KRABD5: variants seen among roughly 807,000 people sequenced by gnomAD.
KRABD5 encodes KRAB domain containing 5.
At chr16:31,753,247 C>G in the KRABD5 span, among the ~76,000 whole-genome samples, 1 of 152,038 alleles carries the variant, frequency 6.6e-6, no homozygotes, top group African/African-American at 2.4e-5. Flanking sequence ...TTAATCTCCC[C>G]CTTTGTTGAG....
the KRABD5 span, among the ~76,000 whole-genome samples, chr16:31,747,011 T>C: frequency 6.6e-6 from 1 of 152,008 alleles, no homozygotes; most frequent in Non-Finnish European, 1.5e-5. Context: ...TTATTATACT[T>C]TAAGTTTTAG....
the KRABD5 span, among the ~76,000 whole-genome samples, chr16:31,738,183 T>C: frequency 2.0e-5 from 3 of 152,094 alleles, no homozygotes; most frequent in African/African-American, 7.2e-5. Flanking sequence ...GTTGAATGGT[T>C]AGTTCTGTAT....
the KRABD5 span, among the ~76,000 whole-genome samples, chr16:31,729,414 C>T: frequency 2.6e-5 from 4 of 152,182 alleles, no homozygotes; most frequent in South Asian, 8.3e-4. Context: ...AATAACATGG[C>T]CAAAGGCACG....
At chr16:31,757,862 A>G in the KRABD5 span, 1 of 150,750 alleles carries the variant, frequency 6.6e-6, no homozygotes, top group African/African-American at 2.5e-5. Context: ...AGATAGATAG[A>G]TAGATAGATA....
At chr16:31,738,569 C>G in the KRABD5 span, among the ~76,000 whole-genome samples, 1 of 151,938 alleles carries the variant, frequency 6.6e-6, no homozygotes, top group South Asian at 2.1e-4. Flanking sequence ...CATATGTGTT[C>G]TTAGATCTAA....
At chr16:31,755,314 T>C in the KRABD5 span, 1 of 507,450 alleles carries the variant, frequency 2.0e-6, no homozygotes, top group Non-Finnish European at 4.0e-6. Context: ...GCAAAGAATG[T>C]GGCAAAGCCT....
chr16:31,756,755 C>T, the KRABD5 span: 14 of 151,998 alleles, frequency 9.2e-5, no homozygotes, highest in Admixed American at 9.2e-4. Flanking sequence ...CTTTTTCAGT[C>T]CAATTGAACA....
chr16:31,734,573 T>C, the KRABD5 span, among the ~76,000 whole-genome samples: 1 of 152,092 alleles, frequency 6.6e-6, no homozygotes, highest in Admixed American at 6.6e-5. Flanking sequence ...TTTTGTAATA[T>C]GCAATACCCT....
chr16:31,733,157 ATAC>A, the KRABD5 span, among the ~76,000 whole-genome samples: 4 of 152,164 alleles, frequency 2.6e-5, no homozygotes, highest in African/African-American at 9.6e-5. Flanking sequence ...TGCTTATAAA[ATAC>A]TACGTGTTAT....
At chr16:31,730,719 C>A in the KRABD5 span, among the ~76,000 whole-genome samples, 1 of 150,894 alleles carries the variant, frequency 6.6e-6, no homozygotes, top group Admixed American at 6.6e-5. Flanking sequence ...AGGCTATATG[C>A]TTCCTTCATG....
At chr16:31,719,190 C>T in the KRABD5 span, among the ~76,000 whole-genome samples, 8 of 152,286 alleles carry the variant, frequency 5.3e-5, no homozygotes, top group South Asian at 2.1e-4. Context: ...GGTGCAAGCA[C>T]GGAGGTATAC....
At chr16:31,726,766 T>G in the KRABD5 span, among the ~76,000 whole-genome samples, 89 of 152,184 alleles carry the variant, frequency 5.8e-4, 1 homozygote, top group Admixed American at 2.9e-3. Context: ...TCAAAAAATA[T>G]ATATAAAATA....
the KRABD5 span, among the ~76,000 whole-genome samples, chr16:31,753,582 C>T: frequency 6.6e-6 from 1 of 152,338 alleles, no homozygotes; most frequent in South Asian, 2.1e-4. Context: ...GCTGCAAACT[C>T]ACCTGGCTTT....
chr16:31,715,126 G>A, the KRABD5 span, among the ~76,000 whole-genome samples: 1 of 152,168 alleles, frequency 6.6e-6, no homozygotes, highest in Admixed American at 6.5e-5. Flanking sequence ...CTTAGGAGGG[G>A]CATAAAGAGG....
At chr16:31,724,615 C>T in the KRABD5 span, among the ~76,000 whole-genome samples, 5 of 151,102 alleles carry the variant, frequency 3.3e-5, no homozygotes, top group African/African-American at 1.2e-4. Context: ...TGGTGTGAAC[C>T]TGGGAGGCGG....
chr16:31,713,302 T>C, the KRABD5 span: 12 of 1,293,016 alleles, frequency 9.3e-6, no homozygotes, highest in Non-Finnish European at 1.3e-5. Context: ...CACCAGGGGC[T>C]CCCAGTCCTT....
chr16:31,731,333 C>A, the KRABD5 span, among the ~76,000 whole-genome samples: 1 of 150,186 alleles, frequency 6.7e-6, no homozygotes, highest in Non-Finnish European at 1.5e-5. Flanking sequence ...CATAGATAGT[C>A]ATGGATCCCG....
the KRABD5 span, among the ~76,000 whole-genome samples, chr16:31,734,342 T>C: frequency 6.6e-6 from 1 of 151,836 alleles, no homozygotes; most frequent in Non-Finnish European, 1.5e-5. Context: ...CTTCAAACTC[T>C]TGGGCTCAAG....
the KRABD5 span, among the ~76,000 whole-genome samples, chr16:31,714,080 T>A: frequency 6.6e-6 from 1 of 152,242 alleles, no homozygotes; most frequent in African/African-American, 2.4e-5. Flanking sequence ...TCCTCTCTTT[T>A]GCAGTGGAGG....
Sources: allele counts gnomAD v4.1 joint callset (sites outside exome capture counted in the v4.1 genomes callset), GRCh38; gene constraint gnomAD v4.1.1; transcripts MANE v1.5; gene names NCBI Gene and HGNC (gene_info 2026-07-23, HGNC 2026-07-21).